The following TMTC1 variants were observed in gnomAD, a reference collection of about 807,000 sequenced individuals.
TMTC1 encodes the protein protein O-mannosyl-transferase TMTC1.
In TMTC1, 73 loss-of-function variants were observed where a neutral mutation model predicts 104.8. The ratio of observed to expected loss-of-function variants is 0.70; its 90% CI spans 0.58 to 0.85. The LOEUF (loss-of-function observed/expected upper bound fraction) is 0.85, where lower values mean the gene tolerates loss of function less well. Ranked by LOEUF, TMTC1 falls within the 40% of genes least tolerant of loss-of-function variation. The pLI is 0.00. For missense variants in TMTC1, 1,035 were observed against 1,096.1 expected (o/e 0.94, Z 0.79); for synonymous variants, 434 against 428.7 (o/e 1.01, Z -0.15).
intron 2 of TMTC1, among the ~76,000 whole-genome samples, chr12:29,760,710 A>G: frequency 6.6e-6 from 1 of 151,984 alleles, no homozygotes; most frequent in South Asian, 2.1e-4. Flanking sequence ...ATAAAAATAT[A>G]AATGAATATA....
chr12:29,693,704 A>G (rs1030222642), intron 5 of TMTC1, among the ~76,000 whole-genome samples: 4 of 152,204 alleles, frequency 2.6e-5, no homozygotes, highest in Non-Finnish European at 4.4e-5. Context: ...GCACTCTACT[A>G]GTATCATTTT....
intron 6 of TMTC1, among the ~76,000 whole-genome samples, chr12:29,625,315 T>C (rs1392830550): frequency 1.3e-5 from 2 of 152,166 alleles, no homozygotes; most frequent in South Asian, 2.1e-4. Flanking sequence ...AAAACAGGAT[T>C]ATTCCCACTT....
At chr12:29,520,430 C>A (rs1178184571) in intron 12 of TMTC1, among the ~76,000 whole-genome samples, 188 bp downstream of exon 12, 1 of 152,036 alleles carries the variant, frequency 6.6e-6, no homozygotes, top group African/African-American at 2.4e-5. Flanking sequence ...ATGAGAATGG[C>A]CAGATTTTAC....
chr12:29,607,470 G>A (rs566012771), intron 6 of TMTC1, among the ~76,000 whole-genome samples: 28 of 152,284 alleles, frequency 1.8e-4, no homozygotes, highest in South Asian at 1.0e-3. Context: ...ATCAATAAAC[G>A]TTTACAAGGA....
intron 1 of TMTC1, among the ~76,000 whole-genome samples, chr12:29,776,959 G>T (rs1262238577): frequency 6.6e-6 from 1 of 152,192 alleles, no homozygotes; most frequent in African/African-American, 2.4e-5. Flanking sequence ...ATGAGGTGGA[G>T]ATTGGTAGAC....
intron 6 of TMTC1, among the ~76,000 whole-genome samples, chr12:29,620,339 C>A (rs75552095): frequency 6.6e-6 from 1 of 152,172 alleles, no homozygotes; most frequent in Non-Finnish European, 1.5e-5. Flanking sequence ...TTCCCTCCCC[C>A]CAGCCTTGGG....
At chr12:29,710,330 A>G (rs776632228) in intron 5 of TMTC1, among the ~76,000 whole-genome samples, 20 of 152,002 alleles carry the variant, frequency 1.3e-4, no homozygotes, top group Non-Finnish European at 2.4e-4. Context: ...CTGCATGCCA[A>G]TTAGTCTGCA....
chr12:29,722,917 T>C (rs1324119864), intron 5 of TMTC1, among the ~76,000 whole-genome samples: 1 of 59,588 alleles, frequency 1.7e-5, no homozygotes, highest in African/African-American at 4.8e-5. Context: ...CAAGACTCTG[T>C]CTCAAAAAAA....
At chr12:29,517,699 T>G in intron 13 of TMTC1, 128 bp from the exon 14 acceptor site, 1 of 1,086,554 alleles carries the variant, frequency 9.2e-7, no homozygotes, top group South Asian at 1.7e-5. Context: ...TGTTTTTATA[T>G]CAATAACAAG....
chr12:29,556,532 C>T (rs1039567307), intron 10 of TMTC1, among the ~76,000 whole-genome samples: 8 of 152,228 alleles, frequency 5.3e-5, no homozygotes, highest in African/African-American at 7.2e-5. Context: ...CATATTAAAG[C>T]TTCTTGCCAT....
intron 5 of TMTC1, among the ~76,000 whole-genome samples, chr12:29,642,330 C>A (rs1316164808): frequency 6.6e-6 from 1 of 152,148 alleles, no homozygotes; most frequent in Non-Finnish European, 1.5e-5. Context: ...ATCTTAGGAG[C>A]TGTGAGACAC....
intron 17 of TMTC1, among the ~76,000 whole-genome samples, chr12:29,508,938 T>C (rs1943761421): frequency 6.6e-6 from 1 of 152,154 alleles, no homozygotes; most frequent in African/African-American, 2.4e-5. Context: ...ATTCCCTAGA[T>C]GCTAGGTAAA....
chr12:29,507,134 G>A, intron 17 of TMTC1, 148 bp from the exon 18 acceptor site: 1 of 672,870 alleles, frequency 1.5e-6, no homozygotes, highest in Non-Finnish European at 2.5e-6. Context: ...TTTTATCCTT[G>A]TCTATTGGTG....
At chr12:29,667,975 G>A (rs1940348230) in intron 5 of TMTC1, among the ~76,000 whole-genome samples, 1 of 152,202 alleles carries the variant, frequency 6.6e-6, no homozygotes, top group Non-Finnish European at 1.5e-5. Context: ...TGGCTGGCAA[G>A]AGGCAAAGGT....
chr12:29,706,681 C>A (rs1236822603), intron 5 of TMTC1, among the ~76,000 whole-genome samples: 2 of 152,156 alleles, frequency 1.3e-5, no homozygotes, highest in Admixed American at 1.3e-4. Context: ...AACAGACATC[C>A]ATAAAAACAA....
chr12:29,506,939 C>T lies in TMTC1; in HGVS notation c.2556G>A (p.Leu852=). 1 of 1,614,002 alleles carries T rather than the reference C, an allele frequency of 6.2e-7. No individual in the cohort carries two copies. The highest frequency in any genetic ancestry group is 1.1e-5 in the South Asian group (1 of 91,074). The stretch of plus-strand genomic sequence containing the variant: ...CCTTCAGCAGTTTGCTGTCTGGAAC[C>T]AGCTGTAAGGCTCTCTCATAATAAG... The part of the protein sequence containing the change: ...ARAYYERALQ[L]VPDSKLLKEN... Residue 852 remains leucine (L), a synonymous_variant, in exon 18 of 18, where the codon CTG becomes CTA. Coordinates refer to ENST00000539277, the MANE Select transcript of TMTC1 (RefSeq NM_001193451.2).
At chr12:29,599,827 A>G (rs1344370382) in intron 7 of TMTC1, among the ~76,000 whole-genome samples, 1 of 152,008 alleles carries the variant, frequency 6.6e-6, no homozygotes, top group East Asian at 1.9e-4. Context: ...GAGACAACAC[A>G]GAGCTTTTGC....
intron 5 of TMTC1, among the ~76,000 whole-genome samples, chr12:29,684,869 C>CA (rs1187437908): frequency 6.6e-5 from 10 of 152,094 alleles, no homozygotes; most frequent in Admixed American, 3.3e-4. Flanking sequence ...ATTGTGAACA[C>CA]AAAGAATTTT....
At chr12:29,675,690 G>A (rs951906053) in intron 5 of TMTC1, among the ~76,000 whole-genome samples, 6 of 151,782 alleles carry the variant, frequency 4.0e-5, no homozygotes, top group East Asian at 1.9e-4. Flanking sequence ...GTGTTTCTCT[G>A]GTGGAAGATA....
Sources: allele counts gnomAD v4.1 joint callset (sites outside exome capture counted in the v4.1 genomes callset), GRCh38; gene constraint gnomAD v4.1.1; transcripts MANE v1.5; gene names NCBI Gene and HGNC (gene_info 2026-07-23, HGNC 2026-07-21).